The following DLG2 variants were observed in gnomAD, a reference collection of about 807,000 sequenced individuals.
DLG2 encodes disks large homolog 2.
DLG2 carries 45 observed loss-of-function variants against 132.5 expected under a neutral mutation model. The ratio of observed to expected loss-of-function variants is 0.34; its 90% CI spans 0.27 to 0.44. The LOEUF is 0.44. Among genes scored for constraint, DLG2 ranks in the 20% least tolerant of loss-of-function variants. The probability of loss-of-function intolerance (pLI) is 1.00; values close to 1 mark genes in which losing one functional copy is unlikely to be tolerated. For synonymous variants in DLG2, 424 were observed against 419.6 expected, an observed-to-expected ratio of 1.01 and a Z score of -0.13; for missense variants, 1,045 against 1,196.9, an observed-to-expected ratio of 0.87 and a Z score of 1.87.
At chr11:85,060,263 T>C (rs1341356979) in intron 6 of DLG2, among the ~76,000 whole-genome samples, 1 of 151,286 alleles carries the variant, frequency 6.6e-6, no homozygotes, top group African/African-American at 2.4e-5. Context: ...GTACATATTG[T>C]AGCATATGAC....
intron 3 of DLG2, among the ~76,000 whole-genome samples, chr11:85,539,954 C>T (rs192103663): frequency 2.6e-5 from 4 of 152,268 alleles, no homozygotes; most frequent in Admixed American, 1.3e-4. Flanking sequence ...TCCTAGTTTG[C>T]GAGTGCAAAA....
intron 6 of DLG2, among the ~76,000 whole-genome samples, chr11:84,852,619 G>T (rs2082292219): frequency 6.6e-6 from 1 of 151,392 alleles, no homozygotes; most frequent in South Asian, 2.1e-4. Context: ...TCACTAGAAT[G>T]CTGAAGTATA....
intron 6 of DLG2, among the ~76,000 whole-genome samples, chr11:84,888,867 T>C (rs2088816860): frequency 6.6e-6 from 1 of 152,156 alleles, no homozygotes; most frequent in Non-Finnish European, 1.5e-5. Context: ...GCAGCAAATA[T>C]ACATCATCTA....
At chr11:84,030,720 G>A (rs1346400176) in intron 11 of DLG2, among the ~76,000 whole-genome samples, 30 of 152,254 alleles carry the variant, frequency 2.0e-4, no homozygotes, top group Non-Finnish European at 4.4e-5. Flanking sequence ...GAAAAAATAT[G>A]TGATAGACTA....
chr11:85,172,060 AG>A (rs930495797), intron 4 of DLG2, among the ~76,000 whole-genome samples: 2 of 152,064 alleles, frequency 1.3e-5, no homozygotes, highest in African/African-American at 4.8e-5. Flanking sequence ...ATTCTGGACG[AG>A]GGGGGGTTCC....
intron 6 of DLG2, among the ~76,000 whole-genome samples, chr11:84,876,027 C>T (rs2086291470): frequency 1.3e-5 from 2 of 152,156 alleles, no homozygotes; most frequent in Non-Finnish European, 2.9e-5. Context: ...AGTGATCCAC[C>T]ATGCCTGGCC....
chr11:84,897,098 A>C (rs1264558720), intron 6 of DLG2, among the ~76,000 whole-genome samples: 1 of 151,668 alleles, frequency 6.6e-6, no homozygotes, highest in Admixed American at 6.6e-5. Context: ...TCACCCCACA[A>C]TATTTTTTGT....
intron 6 of DLG2, among the ~76,000 whole-genome samples, chr11:84,805,150 GC>G (rs2075848018): frequency 6.6e-6 from 1 of 152,040 alleles, no homozygotes; most frequent in African/African-American, 2.4e-5. Context: ...ACCCCTTCCA[GC>G]CACAGAGCTA....
chr11:84,767,738 GT>G (rs1450483938), intron 6 of DLG2, among the ~76,000 whole-genome samples: 2 of 152,018 alleles, frequency 1.3e-5, no homozygotes, highest in Non-Finnish European at 2.9e-5. Flanking sequence ...GAAAAGAGAT[GT>G]TTGGAGAAGC....
At chr11:85,505,316 C>T (rs1382455798) in intron 3 of DLG2, among the ~76,000 whole-genome samples, 1 of 152,142 alleles carries the variant, frequency 6.6e-6, no homozygotes, top group Non-Finnish European at 1.5e-5. Context: ...AAAGAGAATG[C>T]TTCCAGTTTT....
chr11:85,080,057 C>A (rs183402837), intron 6 of DLG2, among the ~76,000 whole-genome samples: 1 of 152,228 alleles, frequency 6.6e-6, no homozygotes, highest in African/African-American at 2.4e-5. Flanking sequence ...GCTATTTAGG[C>A]ATCTATGTGT....
chr11:84,056,145 T>A (rs2096494448), intron 11 of DLG2, among the ~76,000 whole-genome samples: 1 of 152,056 alleles, frequency 6.6e-6, no homozygotes, highest in South Asian at 2.1e-4. Context: ...CCATGGTGGT[T>A]TGCTGCACCT....
At chr11:83,993,466 C>T (rs1052170525) in intron 11 of DLG2, among the ~76,000 whole-genome samples, 3 of 152,066 alleles carry the variant, frequency 2.0e-5, no homozygotes, top group African/African-American at 4.8e-5. Flanking sequence ...CTTCCCTAAA[C>T]GAACATTAAA....
chr11:84,500,440 C>G (rs116269578), intron 7 of DLG2, among the ~76,000 whole-genome samples: 2,222 of 151,700 alleles, frequency 0.015, 47 homozygotes, highest in African/African-American at 0.05. Flanking sequence ...CTTAAAGAAT[C>G]AATGAAAACA....
chr11:83,700,569 T>C (rs558774938), intron 18 of DLG2, among the ~76,000 whole-genome samples: 1 of 152,308 alleles, frequency 6.6e-6, no homozygotes, highest in Non-Finnish European at 1.5e-5. Context: ...ACTCTGAGAA[T>C]TAGAAATGAT....
intron 3 of DLG2, among the ~76,000 whole-genome samples, chr11:85,550,774 T>G (rs1274777623): frequency 6.6e-6 from 1 of 152,216 alleles, no homozygotes; most frequent in Non-Finnish European, 1.5e-5. Context: ...TCTGGCTAAC[T>G]CTCCAGTTCA....
intron 6 of DLG2, among the ~76,000 whole-genome samples, chr11:84,913,056 G>A (rs1311425675): frequency 6.6e-6 from 1 of 152,246 alleles, no homozygotes; most frequent in Non-Finnish European, 1.5e-5. Flanking sequence ...AGACAAAGTC[G>A]AAGAAATTAC....
chr11:84,408,789 A>C (rs2098876885), intron 7 of DLG2, among the ~76,000 whole-genome samples: 1 of 152,086 alleles, frequency 6.6e-6, no homozygotes, highest in Non-Finnish European at 1.5e-5. Flanking sequence ...GGCAGTCACC[A>C]TTTCAATTTC....
chr11:83,599,381 T>C (rs1385272615), intron 19 of DLG2, among the ~76,000 whole-genome samples: 1 of 152,216 alleles, frequency 6.6e-6, no homozygotes, highest in East Asian at 1.9e-4. Flanking sequence ...TCCTTGCTTT[T>C]GCTTATCCAG....
Sources: allele counts gnomAD v4.1 joint callset (sites outside exome capture counted in the v4.1 genomes callset), GRCh38; gene constraint gnomAD v4.1.1; transcripts MANE v1.5; gene names NCBI Gene and HGNC (gene_info 2026-07-23, HGNC 2026-07-21).